Variants in TPMT observed in about 807,000 individuals in gnomAD.
TPMT encodes thiopurine S-methyltransferase, also known as S-adenosyl-L-methionine:thiopurine S-methyltransferase.
TPMT carries 18 observed loss-of-function variants against 34.2 expected under a neutral mutation model. That is an observed-to-expected ratio of 0.53 (90% CI 0.36 to 0.78). The LOEUF is 0.78. Among genes scored for constraint, TPMT ranks in the 30% least tolerant of loss-of-function variants. The probability of loss-of-function intolerance (pLI) is 0.00; values close to 1 mark genes in which losing one functional copy is unlikely to be tolerated. For synonymous variants in TPMT, 69 were observed against 92.4 expected, an observed-to-expected ratio of 0.75 and a Z score of 1.45; for missense variants, 265 against 288.1, an observed-to-expected ratio of 0.92 and a Z score of 0.58.
In TPMT at chr6:18,149,210, A is replaced by T; in HGVS notation, c.-44-39T>A. On this transcript the variant is annotated intron_variant, in intron 1 of 8. Transcript: ENST00000309983. The surrounding 1 kb of genome is among the most constrained non-coding windows in gnomAD (Gnocchi z 5.0). ...ATTTGCAATGTTGTCATTTAAGGTC[A>T]TTGGAATTCTATTGATGAACTAAAT... is the stretch of plus-strand genomic sequence containing the variant. 6.5e-7 allele frequency: 1 copy of T among 1,543,804 alleles called. No homozygotes were observed. The highest frequency in any genetic ancestry group is 8.9e-7 in the Non-Finnish European group (1 of 1,119,620).
At position 18,132,566 on chromosome 6, in the gene TPMT, C is replaced by T. The variant is rs1366083853; in HGVS notation, c.581-389G>A. ...ATAGAGTATAAGGAAGCTGAGCTTC[C>T]GCCCCCTTCTAAGAGCAGTATCCTC... On this transcript the variant is annotated intron_variant, in intron 7 of 8. Coordinates refer to ENST00000309983, the MANE Select transcript of TPMT (RefSeq NM_000367.5). This position sits in a 1 kb window ranked among gnomAD's most constrained non-coding sequence, Gnocchi z 4.8. 2.6e-5 allele frequency among the ~76,000 whole-genome samples: 4 copies of T among 152,074 alleles called. No homozygotes were observed. Among genetic ancestry groups the T allele is most frequent in the African/African-American group, 7.2e-5 (3 of 41,420 alleles).
Position 18,138,979 on chromosome 6 carries a change from G to C in TPMT, c.478C>G (p.Pro160Ala), listed in dbSNP as rs777339242. The change falls in exon 6 of 9, where the codon CCA (proline) becomes GCA (alanine). Residue 160 changes from proline (P) to alanine (A), a missense_variant. Pro to Ala is a conservative substitution (Grantham distance 27, BLOSUM62 -1). Coordinates refer to ENST00000309983, the MANE Select transcript of TPMT (RefSeq NM_000367.5). This position sits in a 1 kb window ranked among gnomAD's most constrained non-coding sequence, Gnocchi z 4.1. The stretch of plus-strand genomic sequence containing the variant: ...ATTACTTACCATTTGCGATCACCTG[G>C]ATTGATGGCAACTAATGCTCCTCTA... Reference protein sequence around the residue: ...WDRGALVAINPGDRKCYADTM... With the variant: ...WDRGALVAINAGDRKCYADTM... 6.2e-7 allele frequency: 1 copy of C among 1,613,470 alleles called. No individual in the cohort carries two copies. The highest frequency in any genetic ancestry group is 2.2e-5 in the East Asian group (1 of 44,876).
Position 18,135,830 on chromosome 6 carries a change from T to C in TPMT, c.495-1941A>G, listed in dbSNP as rs1784033111. Among the ~76,000 whole-genome samples the C allele has an allele frequency of 6.6e-6, 1 of 151,960 alleles. No individual in the cohort carries two copies. The highest frequency in any genetic ancestry group is 6.6e-5 in the Admixed American group (1 of 15,248). ...GTTGCAGTGAGCCGAGATCATGCCA[T>C]TGCACTCCAGCCTGGGCAACAAGAG... is the stretch of plus-strand genomic sequence containing the variant. On this transcript the variant is annotated intron_variant, in intron 6 of 8. Coordinates refer to ENST00000309983, the MANE Select transcript of TPMT (RefSeq NM_000367.5). This position sits in a 1 kb window ranked among gnomAD's most constrained non-coding sequence, Gnocchi z 5.0.
In TPMT at chr6:18,149,196, TGTCATTTAAG is replaced by T; in HGVS notation, c.-44-35_-44-26del. On this transcript the variant is annotated intron_variant, in intron 1 of 8. Transcript: ENST00000309983. The surrounding 1 kb of genome is among the most constrained non-coding windows in gnomAD (Gnocchi z 5.0). ...CCTACGTGGAAAATATTTGCAATGT[TGTCATTTAAG>T]GTCATTGGAATTCTATTGATGAACT... 6.3e-7 allele frequency: 1 copy of T among 1,598,714 alleles called. No homozygotes were observed. The highest frequency in any genetic ancestry group is 1.1e-5 in the South Asian group (1 of 90,740).
chr6:18,151,451 G>C (rs183885713), intron 1 of TPMT, among the ~76,000 whole-genome samples: 35 of 151,532 alleles, frequency 2.3e-4, no homozygotes, highest in African/African-American at 8.4e-4. Context: ...CTGGGCTACA[G>C]ATCAAGACCT....
In TPMT at chr6:18,145,947, C is replaced by T. The variant is rs963516061; in HGVS notation, c.233+1876G>A. ...CTATGATCATGCCACTGCACTCCACCCTGGGTGACAGAGTGGGACTGTCTC... is the reference window on the plus strand; with the variant it reads ...CTATGATCATGCCACTGCACTCCACTCTGGGTGACAGAGTGGGACTGTCTC... On this transcript the variant is annotated intron_variant, in intron 3 of 8. Coordinates refer to ENST00000309983, the MANE Select transcript of TPMT (RefSeq NM_000367.5). This position sits in a 1 kb window ranked among gnomAD's most constrained non-coding sequence, Gnocchi z 5.6. Among the ~76,000 whole-genome samples the T allele has an allele frequency of 6.6e-6, 1 of 152,086 alleles. No individual in the cohort carries two copies. The highest frequency in any genetic ancestry group is 1.5e-5 in the Non-Finnish European group (1 of 68,032).
In TPMT at chr6:18,153,626, T is replaced by C. The variant is rs1306465584; in HGVS notation, c.-45+1407A>G. Among the ~76,000 whole-genome samples the C allele has an allele frequency of 6.6e-6, 1 of 152,198 alleles. No individual in the cohort carries two copies. Among genetic ancestry groups the C allele is most frequent in the Non-Finnish European group, 1.5e-5 (1 of 68,024 alleles). Reference sequence around the variant, plus strand: ...AATTCACTTCTTAGCAAATATTTGTTGACAAATGGCTTCTGCAAGACCCTG... The same window carrying C: ...AATTCACTTCTTAGCAAATATTTGTCGACAAATGGCTTCTGCAAGACCCTG... On this transcript the variant is annotated intron_variant, in intron 1 of 8. Transcript: ENST00000309983. The surrounding 1 kb of genome is among the most constrained non-coding windows in gnomAD (Gnocchi z 4.2).
At position 18,130,793 on chromosome 6, in the gene TPMT, A is replaced by G. The variant is rs1783926757; in HGVS notation, c.626-13T>C. ...TTGCATATTTTACCTGAAACAAGAA[A>G]GAGTAACATGTTAAAATACTATGAA... is the stretch of plus-strand genomic sequence containing the variant. On this transcript the variant is annotated splice_polypyrimidine_tract_variant and intron_variant, in intron 8 of 8. Coordinates refer to ENST00000309983, the MANE Select transcript of TPMT (RefSeq NM_000367.5). This position sits in a 1 kb window ranked among gnomAD's most constrained non-coding sequence, Gnocchi z 4.2. 1.3e-6 allele frequency: 2 copies of G among 1,577,840 alleles called. No homozygotes were observed. The highest frequency in any genetic ancestry group is 1.7e-6 in the Non-Finnish European group (2 of 1,147,376).
rs558754559 is a variant in TPMT at position 18,152,677 on chromosome 6, T to C, written c.-45+2356A>G. On this transcript the variant is annotated intron_variant, in intron 1 of 8. Transcript: ENST00000309983. ...GATCTTGGCTCACTACACACTTTCT[T>C]GGCTAACGGGACCCCAGAGTAACCT... Among the ~76,000 whole-genome samples the C allele has an allele frequency of 2.6e-5, 4 of 152,034 alleles. No individual in the cohort carries two copies. In the East Asian group the frequency reaches 7.7e-4, roughly 29 times the overall value.
rs115643269 is a variant in TPMT at position 18,142,097 on chromosome 6, C to T, written c.366+1499G>A. On this transcript the variant is annotated intron_variant, in intron 4 of 8. Transcript: ENST00000309983. ...GCCCTATGTAAATCAGACACTGACTCCTCAGGCTGCACTATAAAATCCGGC... is the reference window on the plus strand; with the variant it reads ...GCCCTATGTAAATCAGACACTGACTTCTCAGGCTGCACTATAAAATCCGGC... Among the ~76,000 whole-genome samples, 466 of 152,256 alleles carry T rather than the reference C, an allele frequency of 3.1e-3. 1 individual carries two copies. Among genetic ancestry groups the T allele is most frequent in the Middle Eastern group, 0.017 (5 of 292 alleles).
rs929839328 is a variant in TPMT, at chr6:18,148,148, T to C, written c.141-233A>G. On this transcript the variant is annotated intron_variant, in intron 2 of 8. Coordinates refer to ENST00000309983, the MANE Select transcript of TPMT (RefSeq NM_000367.5). The surrounding 1 kb of genome is among the most constrained non-coding windows in gnomAD (Gnocchi z 4.1). ...ATTAGTAATTAAAAATAATTTTTTT[T>C]TCTTGGGGATGTTTTGAAAATTCTT... Among the ~76,000 whole-genome samples the C allele has an allele frequency of 6.6e-6, 1 of 152,192 alleles. No homozygotes were observed. The highest frequency in any genetic ancestry group is 2.4e-5 in the African/African-American group (1 of 41,440).
At chr6:18,133,928 A>C (rs1281052969) in intron 6 of TPMT, 39 bp from the exon 7 acceptor site, 2 of 1,558,756 alleles carry the variant, frequency 1.3e-6, no homozygotes, top group Middle Eastern at 1.7e-4. Flanking sequence ...ACATTTCTCT[A>C]CACAGGCAAA....
At position 18,132,310 on chromosome 6, in the gene TPMT, T is replaced by C; in HGVS notation, c.581-133A>G. On this transcript the variant is annotated intron_variant, in intron 7 of 8. Coordinates refer to ENST00000309983, the MANE Select transcript of TPMT (RefSeq NM_000367.5). The surrounding 1 kb of genome is among the most constrained non-coding windows in gnomAD (Gnocchi z 4.8). ...CATTCTTCTTTTGCAAATCTCATAC[T>C]AAAGAAATAAATTGACTTACTGAGA... 1 of 844,314 alleles carries C rather than the reference T, an allele frequency of 1.2e-6. No homozygotes were observed. Among genetic ancestry groups the C allele is most frequent in the East Asian group, 2.7e-5 (1 of 36,474 alleles). 52.3% of individuals were successfully genotyped at this position (844,314 alleles called of 1,614,324 possible).
Position 18,136,825 on chromosome 6 carries a change from G to C in TPMT, c.494+2138C>G, listed in dbSNP as rs752187908. Reference sequence around the variant, plus strand: ...AACTCTGTCTCGAAAAAAAAGATTTGATTTTTCTCTCATAAAATTTTTTTT... The same window carrying C: ...AACTCTGTCTCGAAAAAAAAGATTTCATTTTTCTCTCATAAAATTTTTTTT... On this transcript the variant is annotated intron_variant, in intron 6 of 8. Transcript: ENST00000309983. This position sits in a 1 kb window ranked among gnomAD's most constrained non-coding sequence, Gnocchi z 4.7. Among the ~76,000 whole-genome samples the C allele has an allele frequency of 1.5e-4, 23 of 152,156 alleles. No individual in the cohort carries two copies. Among genetic ancestry groups the C allele is most frequent in the East Asian group, 5.8e-4 (3 of 5,148 alleles).
At chr6:18,133,185 G>T (rs773611073) in intron 7 of TPMT, among the ~76,000 whole-genome samples, 1 of 152,086 alleles carries the variant, frequency 6.6e-6, no homozygotes, top group Admixed American at 6.5e-5. Context: ...AATCAAAAAG[G>T]TGACTCTTAC....
rs1783931849 is a variant in TPMT at position 18,131,122 on chromosome 6, G to A, written c.626-342C>T. Among the ~76,000 whole-genome samples the A allele has an allele frequency of 6.6e-6, 1 of 152,130 alleles. No homozygotes were observed. The highest frequency in any genetic ancestry group is 6.6e-5 in the Admixed American group (1 of 15,260). ...CATCGCGCTCTAGCCTAGGCAACAAGAGCGAAACTCCATCTCAAAACAAAC... is the reference window on the plus strand; with the variant it reads ...CATCGCGCTCTAGCCTAGGCAACAAAAGCGAAACTCCATCTCAAAACAAAC... On this transcript the variant is annotated intron_variant, in intron 8 of 8. Coordinates refer to ENST00000309983, the MANE Select transcript of TPMT (RefSeq NM_000367.5). The surrounding 1 kb of genome is among the most constrained non-coding windows in gnomAD (Gnocchi z 4.3).
In TPMT at chr6:18,153,574, G is replaced by A. The variant is rs1784396109; in HGVS notation, c.-45+1459C>T. On this transcript the variant is annotated intron_variant, in intron 1 of 8. Transcript: ENST00000309983. The surrounding 1 kb of genome is among the most constrained non-coding windows in gnomAD (Gnocchi z 4.2). ...AGTATGCTTAGGATATAGGGAGGAG[G>A]CATTTCTCTCATTACCTGGGAACAT... 6.6e-6 allele frequency among the ~76,000 whole-genome samples: 1 copy of A among 152,150 alleles called. No homozygotes were observed. Among genetic ancestry groups the A allele is most frequent in the Non-Finnish European group, 1.5e-5 (1 of 68,020 alleles).
chr6:18,139,711 A>G lies in TPMT; in HGVS notation c.373T>C (p.Ser125Pro). 1 of 1,610,908 alleles carries G rather than the reference A, an allele frequency of 6.2e-7. No homozygotes were observed. The highest frequency in any genetic ancestry group is 8.5e-7 in the Non-Finnish European group (1 of 1,179,148). ...IPGTKVFKSSSGNISLYCCSI... is the reference protein window; with the variant it reads ...IPGTKVFKSSPGNISLYCCSI... ...CAACAGTACAATGAAATGTTCCCCG[A>G]AGAACTCTGTAATGAAATAATGAAA... The change falls in exon 5 of 9, where the codon TCG becomes CCG. Residue 125 changes from serine (S) to proline (P), a missense_variant. Physicochemically the swap from Ser to Pro is moderately conservative, Grantham distance 74 (BLOSUM62 -1). Transcript: ENST00000309983. The surrounding 1 kb of genome is among the most constrained non-coding windows in gnomAD (Gnocchi z 4.2).
In TPMT at chr6:18,146,921, AT is replaced by A. The variant is rs1474201056; in HGVS notation, c.233+901del. ...CCGATATTTATATTCAGAATAGACC[AT>A]TTTTTAGGTTATTATATTTTACATT... On this transcript the variant is annotated intron_variant, in intron 3 of 8. Transcript: ENST00000309983. The surrounding 1 kb of genome is among the most constrained non-coding windows in gnomAD (Gnocchi z 6.2). 6.6e-6 allele frequency among the ~76,000 whole-genome samples: 1 copy of A among 152,136 alleles called. No homozygotes were observed. The highest frequency in any genetic ancestry group is 2.4e-5 in the African/African-American group (1 of 41,428).
Sources: allele counts gnomAD v4.1 joint callset (sites outside exome capture counted in the v4.1 genomes callset), GRCh38; gene constraint gnomAD v4.1.1; non-coding constraint Gnocchi (gnomAD v3.1); transcripts MANE v1.5; gene names NCBI Gene and HGNC (gene_info 2026-07-23, HGNC 2026-07-21).